RTL4: variants seen among roughly 807,000 people sequenced by gnomAD.
RTL4 encodes the protein retrotransposon Gag-like protein 4.
RTL4 carries 4 observed loss-of-function variants against 5.3 expected under a neutral mutation model. The ratio of observed to expected loss-of-function variants is 0.75; its 90% confidence interval spans 0.37 to 1.72. RTL4 has a LOEUF of 1.72. Ranked by LOEUF, RTL4 falls within the 40% of genes most tolerant of loss-of-function variation. The pLI is 0.04. For missense variants in RTL4, 260 were observed against 227.1 expected, an observed-to-expected ratio of 1.14 and a Z score of -0.93; for synonymous variants, 98 against 87.3, an observed-to-expected ratio of 1.12 and a Z score of -0.68.
At chrX:112,377,794 A>G in the RTL4 span, among the ~76,000 whole-genome samples, 1 of 112,148 alleles carries the variant, frequency 8.9e-6, no homozygotes, top group South Asian at 3.7e-4. Flanking sequence ...CAGAGATGGG[A>G]AAAGATGCCA....
the RTL4 span, among the ~76,000 whole-genome samples, chrX:112,120,580 G>GTT: frequency 1.4e-4 from 13 of 92,973 alleles, no homozygotes; most frequent in East Asian, 1.0e-3. Context: ...CCCGGCTGGG[G>GTT]TTTTTTTTTT....
At chrX:112,415,712 G>T in the RTL4 span, among the ~76,000 whole-genome samples, 1 of 111,077 alleles carries the variant, frequency 9.0e-6, no homozygotes, top group Non-Finnish European at 1.9e-5. Context: ...TTTTATTAAA[G>T]ATTTTATTTA....
At chrX:112,230,639 A>G in the RTL4 span, among the ~76,000 whole-genome samples, 1 of 112,229 alleles carries the variant, frequency 8.9e-6, no homozygotes, top group East Asian at 2.8e-4. Context: ...AGCTGTTCCT[A>G]TTCGGCCATC....
At chrX:112,228,595 A>G in the RTL4 span, among the ~76,000 whole-genome samples, 3 of 111,946 alleles carry the variant, frequency 2.7e-5, no homozygotes, top group East Asian at 8.5e-4. Flanking sequence ...GCCATACAGT[A>G]TTAACTATAG....
chrX:112,221,311 T>C, the RTL4 span, among the ~76,000 whole-genome samples: 27,892 of 110,831 alleles, frequency 0.25, 3,469 homozygotes, highest in African/African-American at 0.49. Flanking sequence ...CATCTCTCAC[T>C]GAGTCTCTCC....
At chrX:112,321,540 AAAAAAAAAAAGAAAG>A in the RTL4 span, among the ~76,000 whole-genome samples, 5 of 107,829 alleles carry the variant, frequency 4.6e-5, no homozygotes, top group South Asian at 1.1e-3. Context: ...GTCTCAAAAA[AAAAAAAAAAAGAAAG>A]AAAAAGAAAA....
At chrX:112,409,030 T>C in the RTL4 span, among the ~76,000 whole-genome samples, 1 of 112,586 alleles carries the variant, frequency 8.9e-6, no homozygotes, top group Admixed American at 9.4e-5. Flanking sequence ...CTAAAGGGCA[T>C]TTTTAAGTCT....
chrX:112,399,470 C>G, the RTL4 span, among the ~76,000 whole-genome samples: 1 of 111,555 alleles, frequency 9.0e-6, no homozygotes, highest in Non-Finnish European at 1.9e-5. Flanking sequence ...AAATTTCCCT[C>G]TAATTACTGC....
At chrX:112,165,601 C>G in the RTL4 span, among the ~76,000 whole-genome samples, 1 of 111,805 alleles carries the variant, frequency 8.9e-6, no homozygotes, top group South Asian at 3.8e-4. Flanking sequence ...CTCTCTCTTT[C>G]CCGTTTTGGC....
At chrX:112,406,388 A>G in the RTL4 span, among the ~76,000 whole-genome samples, 17 of 111,253 alleles carry the variant, frequency 1.5e-4, no homozygotes, top group African/African-American at 4.9e-4. Flanking sequence ...GGGAGCAGGC[A>G]CTTCACATGG....
At chrX:112,364,257 T>G in the RTL4 span, among the ~76,000 whole-genome samples, 3 of 111,571 alleles carry the variant, frequency 2.7e-5, no homozygotes, top group Admixed American at 2.8e-4. Flanking sequence ...TAGAGGCCAT[T>G]GTTTAGGTGA....
At chrX:112,445,653 A>G in the RTL4 span, among the ~76,000 whole-genome samples, 2 of 111,531 alleles carry the variant, frequency 1.8e-5, no homozygotes, top group African/African-American at 6.5e-5. Context: ...TTGTTTGTTA[A>G]ATAGCTGCAA....
chrX:112,153,586 G>T, the RTL4 span, among the ~76,000 whole-genome samples: 2 of 112,083 alleles, frequency 1.8e-5, no homozygotes, highest in Admixed American at 9.5e-5. Flanking sequence ...TAGGCTTTCT[G>T]TAAGCTAATA....
chrX:112,395,941 A>C, the RTL4 span, among the ~76,000 whole-genome samples: 1 of 111,421 alleles, frequency 9.0e-6, no homozygotes, highest in Non-Finnish European at 1.9e-5. Context: ...GTGTCAAATA[A>C]AAATTTGTTT....
chrX:112,373,116 A>C, the RTL4 span, among the ~76,000 whole-genome samples: 1 of 111,766 alleles, frequency 8.9e-6, no homozygotes, highest in Non-Finnish European at 1.9e-5. Context: ...ATTCTTGTAC[A>C]TATTTTCAGT....
chrX:112,099,463 A>G, the RTL4 span, among the ~76,000 whole-genome samples: 1 of 111,347 alleles, frequency 9.0e-6, no homozygotes, highest in African/African-American at 3.3e-5. Context: ...TGCCAAAGAA[A>G]GACTATAGAG....
At chrX:112,293,110 T>A in the RTL4 span, among the ~76,000 whole-genome samples, 1 of 112,333 alleles carries the variant, frequency 8.9e-6, no homozygotes, top group Admixed American at 9.5e-5. Flanking sequence ...TGATTCTTGT[T>A]TTCTCTTTGT....
the RTL4 span, among the ~76,000 whole-genome samples, chrX:112,264,266 G>A: frequency 8.9e-6 from 1 of 112,193 alleles, no homozygotes; most frequent in Non-Finnish European, 1.9e-5. Context: ...ACATCAGTAA[G>A]CAGAGCTCAA....
the RTL4 span, among the ~76,000 whole-genome samples, chrX:112,111,362 C>T: frequency 6.3e-5 from 7 of 111,493 alleles, no homozygotes; most frequent in Non-Finnish European, 1.3e-4. Context: ...TCTGTCTTTC[C>T]TCTCTGCTGG....
Sources: gnomAD v4.1 joint callset for allele counts (sites outside exome capture counted in the v4.1 genomes callset) on GRCh38, gnomAD v4.1.1 for gene constraint, MANE v1.5 for transcripts, NCBI Gene and HGNC (gene_info 2026-07-23, HGNC 2026-07-21) for gene names.